The following GNG2 variants were observed in gnomAD, a reference collection of about 807,000 sequenced individuals.
The protein encoded by GNG2 is G protein subunit gamma 2.
A neutral mutation model predicts 5.5 loss-of-function variants in GNG2; 5 were observed. The observed-to-expected ratio is 0.91, with a 90% CI of 0.48 to 1.92. The LOEUF is 1.92. Among genes scored for constraint, GNG2 ranks in the 30% most tolerant of loss-of-function variants. GNG2 has a pLI of 0.01. For missense variants in GNG2, 55 were observed against 88.4 expected (o/e 0.62, Z 1.52); for synonymous variants, 28 against 32.0 (o/e 0.88, Z 0.42).
At chr14:51,915,804 G>T (rs965784678) in intron 2 of GNG2, among the ~76,000 whole-genome samples, 1 of 152,168 alleles carries the variant, frequency 6.6e-6, no homozygotes, top group African/African-American at 2.4e-5. Flanking sequence ...TGAATTATGG[G>T]TCTGTGTTTA....
chr14:51,966,787 G>A lies in GNG2; in HGVS notation c.*100G>A. ...TTCTAGTCCACGGCATTTGAAGAGA[G>A]CGAGGAGAACCATTCTGGAAACTCT... On this transcript the variant is annotated 3_prime_UTR_variant, in exon 4 of 4. Coordinates refer to ENST00000556766, the MANE Select transcript of GNG2 (RefSeq NM_053064.5). 9.6e-7 allele frequency: 1 copy of A among 1,041,502 alleles called. No individual in the cohort carries two copies. Among genetic ancestry groups the A allele is most frequent in the Non-Finnish European group, 1.5e-6 (1 of 677,116 alleles). 64.5% of individuals were successfully genotyped at this position (1,041,502 alleles called of 1,614,324 possible).
intron 2 of GNG2, among the ~76,000 whole-genome samples, chr14:51,888,031 T>C (rs1884584708): frequency 6.6e-6 from 1 of 152,156 alleles, no homozygotes; most frequent in African/African-American, 2.4e-5. Context: ...AAATAACACA[T>C]ATTCAAAGTG....
intron 1 of GNG2, among the ~76,000 whole-genome samples, chr14:51,864,024 C>T (rs76687464): frequency 1.8e-4 from 27 of 152,230 alleles, no homozygotes; most frequent in African/African-American, 6.0e-4. Context: ...CTTTTGGGAA[C>T]CCAGAAGTGA....
chr14:51,839,601 T>C (rs1450898030), intron 2 of GNG2, among the ~76,000 whole-genome samples: 1 of 152,136 alleles, frequency 6.6e-6, no homozygotes, highest in Admixed American at 6.6e-5. Flanking sequence ...AGATCAATGG[T>C]TGTCAGACGC....
In GNG2 at chr14:51,966,224, A is replaced by AG. The variant is rs1566720274; in HGVS notation, c.88-335_88-334insG. Among the ~76,000 whole-genome samples, 267 of 148,294 alleles carry AG rather than the reference A, an allele frequency of 1.8e-3. 24 individuals carry two copies. In the South Asian group the frequency reaches 0.056, roughly 31 times the overall value. On this transcript the variant is annotated intron_variant, in intron 3 of 3. Coordinates refer to ENST00000556766, the MANE Select transcript of GNG2 (RefSeq NM_053064.5). ...GACTGCATCTCAAAAAAAAAAAAAA[A>AG]AAAAAAAAAAAAACAAATGAAGGAG...
At chr14:51,918,662 A>G (rs1886806472) in intron 2 of GNG2, 1 of 152,248 alleles carries the variant, frequency 6.6e-6, no homozygotes, top group Admixed American at 6.5e-5. Flanking sequence ...TCAGCTACAG[A>G]ATAGAAACTA....
intron 2 of GNG2, among the ~76,000 whole-genome samples, chr14:51,839,115 A>C (rs1349995105): frequency 6.6e-6 from 1 of 152,200 alleles, no homozygotes; most frequent in Admixed American, 6.5e-5. Flanking sequence ...TAGTCAATTT[A>C]GGAAGTTTAT....
intron 2 of GNG2, among the ~76,000 whole-genome samples, chr14:51,908,719 G>A (rs575575115): frequency 7.5e-5 from 10 of 133,208 alleles, no homozygotes; most frequent in African/African-American, 1.6e-4. Flanking sequence ...ACAGGCGTGC[G>A]CCACCACACC....
At chr14:51,830,146 C>T (rs1422517814) in intron 2 of GNG2, among the ~76,000 whole-genome samples, 4 of 152,190 alleles carry the variant, frequency 2.6e-5, no homozygotes, top group Non-Finnish European at 5.9e-5. Flanking sequence ...CAGCTCACTC[C>T]CTACTTCTTG....
At chr14:51,902,119 T>A (rs1458191604) in intron 2 of GNG2, among the ~76,000 whole-genome samples, 2 of 152,126 alleles carry the variant, frequency 1.3e-5, no homozygotes, top group African/African-American at 2.4e-5. Context: ...ATTAAATATT[T>A]TTGATTTTAT....
At chr14:51,901,085 A>T (rs1885517725) in intron 2 of GNG2, among the ~76,000 whole-genome samples, 1 of 152,214 alleles carries the variant, frequency 6.6e-6, no homozygotes, top group African/African-American at 2.4e-5. Flanking sequence ...TATATAAAGC[A>T]TTTGTTTTGG....
intron 2 of GNG2, among the ~76,000 whole-genome samples, chr14:51,851,299 C>T (rs1055671086): frequency 6.6e-6 from 1 of 150,424 alleles, no homozygotes; most frequent in Non-Finnish European, 1.5e-5. Context: ...CATCATTCTA[C>T]ACAAAATCTA....
At chr14:51,890,877 A>C (rs1366203537) in intron 2 of GNG2, among the ~76,000 whole-genome samples, 3 of 97,008 alleles carry the variant, frequency 3.1e-5, no homozygotes, top group Non-Finnish European at 6.5e-5. Flanking sequence ...GTTTATTAAC[A>C]TGTTTATTTC....
chr14:51,898,925 A>G (rs1885374262), intron 2 of GNG2, among the ~76,000 whole-genome samples: 1 of 152,178 alleles, frequency 6.6e-6, no homozygotes, highest in African/African-American at 2.4e-5. Context: ...AGACCATAAG[A>G]TTCTGGTGTA....
chr14:51,925,985 G>A (rs530455219), intron 2 of GNG2, among the ~76,000 whole-genome samples: 1 of 152,036 alleles, frequency 6.6e-6, no homozygotes, highest in East Asian at 1.9e-4. Flanking sequence ...AAGGCTCCAA[G>A]GAAGTGATCA....
intron 2 of GNG2, among the ~76,000 whole-genome samples, chr14:51,941,122 T>C (rs1888296209): frequency 6.6e-6 from 1 of 152,128 alleles, no homozygotes; most frequent in Non-Finnish European, 1.5e-5. Context: ...AATTTGATGA[T>C]GGATTACTTA....
chr14:51,943,035 T>G (rs1380862777), intron 2 of GNG2, among the ~76,000 whole-genome samples: 1 of 152,102 alleles, frequency 6.6e-6, no homozygotes, highest in African/African-American at 2.4e-5. Flanking sequence ...CTACCCTGAC[T>G]CCATTTACCT....
chr14:51,876,608 G>T (rs1466107862), intron 1 of GNG2, among the ~76,000 whole-genome samples: 2 of 151,964 alleles, frequency 1.3e-5, no homozygotes, highest in Non-Finnish European at 2.9e-5. Flanking sequence ...TTTAGCCCTT[G>T]GCTTTTTTTT....
intron 2 of GNG2, among the ~76,000 whole-genome samples, chr14:51,831,712 C>T (rs1477366263): frequency 6.6e-6 from 1 of 152,182 alleles, no homozygotes; most frequent in Non-Finnish European, 1.5e-5. Flanking sequence ...CTTGATATCA[C>T]TAGAGAAGCT....
Sources: allele counts gnomAD v4.1 joint callset (sites outside exome capture counted in the v4.1 genomes callset), GRCh38; gene constraint gnomAD v4.1.1; transcripts MANE v1.5; gene names NCBI Gene and HGNC (gene_info 2026-07-23, HGNC 2026-07-21).